MAD1L1: variants seen among roughly 807,000 people sequenced by gnomAD.
MAD1L1 encodes the protein mitotic spindle assembly checkpoint protein MAD1.
Under a neutral mutation model 96.9 loss-of-function variants are expected in MAD1L1, and 95 were observed. That is an observed-to-expected ratio of 0.98 (90% CI 0.83 to 1.16). MAD1L1 has a LOEUF of 1.16. MAD1L1 is among the 50% of genes most tolerant of loss of function. The pLI, the probability that MAD1L1 is intolerant of heterozygous loss-of-function variation, is 0.00. For missense variants in MAD1L1, 1,007 were observed against 954.4 expected, an observed-to-expected ratio of 1.06 and a Z score of -0.73; for synonymous variants, 473 against 396.6, an observed-to-expected ratio of 1.19 and a Z score of -2.29.
intron 15 of MAD1L1, among the ~76,000 whole-genome samples, chr7:1,975,525 T>C (rs1780596506): frequency 6.6e-6 from 1 of 152,182 alleles, no homozygotes; most frequent in East Asian, 1.9e-4. Flanking sequence ...CCCTAGAAGC[T>C]TGGCAGGCAG....
chr7:1,935,969 G>T (rs1183217382), intron 17 of MAD1L1, among the ~76,000 whole-genome samples: 1 of 152,250 alleles, frequency 6.6e-6, no homozygotes, highest in African/African-American at 2.4e-5. Flanking sequence ...AGGAGCGTGG[G>T]GCAGTGCCCA....
intron 12 of MAD1L1, among the ~76,000 whole-genome samples, chr7:2,056,357 G>C (rs531357277): frequency 6.6e-6 from 1 of 152,292 alleles, no homozygotes; most frequent in East Asian, 1.9e-4. Context: ...AAGCAGCATG[G>C]GGCTCGCGCA....
Position 1,848,723 on chromosome 7 carries a change from GAGA to G in MAD1L1, c.1999-32498_1999-32496del, listed in dbSNP as rs539686607. 458 of 154,554 alleles carry G rather than the reference GAGA, an allele frequency of 3.0e-3. 3 individuals carry two copies. Among genetic ancestry groups the G allele is most frequent in the African/African-American group, 0.01 (425 of 41,656 alleles). The allele number at this position is 154,554 out of a possible 1,614,324, so 9.6% of individuals were successfully genotyped here. On this transcript the variant is annotated intron_variant, in intron 18 of 18. Coordinates refer to ENST00000265854, the MANE Select transcript of MAD1L1 (RefSeq NM_001013836.2). ...CCTGCTCTGGAAAACAACTGGTCCAGAGAAGGACGAAGATGTCACTTAATTCTG... is the reference window on the plus strand; with the variant it reads ...CCTGCTCTGGAAAACAACTGGTCCAGAGGACGAAGATGTCACTTAATTCTG...
chr7:1,903,864 G>A (rs1787436370), intron 17 of MAD1L1, among the ~76,000 whole-genome samples: 1 of 140,932 alleles, frequency 7.1e-6, no homozygotes, highest in South Asian at 2.3e-4. Flanking sequence ...CAGGCAGCGA[G>A]GACGCAGTGG....
At chr7:2,130,396 A>C (rs1788456049) in intron 11 of MAD1L1, among the ~76,000 whole-genome samples, 1 of 152,210 alleles carries the variant, frequency 6.6e-6, no homozygotes, top group Non-Finnish European at 1.5e-5. Context: ...GGGGCACACC[A>C]GATGAACAGA....
intron 15 of MAD1L1, among the ~76,000 whole-genome samples, chr7:1,974,199 C>T (rs1780529616): frequency 6.6e-6 from 1 of 152,222 alleles, no homozygotes; most frequent in African/African-American, 2.4e-5. Flanking sequence ...GCCAGAGTCA[C>T]CCAGGCTGGA....
At chr7:2,192,566 T>A (rs1334984590) in intron 10 of MAD1L1, among the ~76,000 whole-genome samples, 1 of 152,148 alleles carries the variant, frequency 6.6e-6, no homozygotes, top group Non-Finnish European at 1.5e-5. Flanking sequence ...CCTAAGCCGG[T>A]AAAGCAGCAA....
intron 12 of MAD1L1, among the ~76,000 whole-genome samples, chr7:2,039,436 G>A (rs1783582987): frequency 6.6e-6 from 1 of 152,160 alleles, no homozygotes; most frequent in Non-Finnish European, 1.5e-5. Flanking sequence ...AGAAACCCTC[G>A]AGCTGGTTCC....
intron 3 of MAD1L1, among the ~76,000 whole-genome samples, chr7:2,226,684 T>C (rs142833745): frequency 3.2e-4 from 49 of 152,310 alleles, no homozygotes; most frequent in African/African-American, 1.0e-3. Context: ...ACCCCAGACC[T>C]ACTCAGTCAG....
intron 12 of MAD1L1, among the ~76,000 whole-genome samples, chr7:2,021,609 AG>A (rs1441273085): frequency 7.1e-6 from 1 of 141,700 alleles, no homozygotes; most frequent in African/African-American, 3.1e-5. Flanking sequence ...TACTGAAAGT[AG>A]AAAAGTTAGC....
chr7:1,872,127 G>A (rs187505198), intron 18 of MAD1L1, among the ~76,000 whole-genome samples: 53 of 152,284 alleles, frequency 3.5e-4, no homozygotes, highest in African/African-American at 1.2e-3. Flanking sequence ...GGCCATCTGC[G>A]CTCCCTCTGT....
intron 11 of MAD1L1, among the ~76,000 whole-genome samples, chr7:2,078,641 C>T (rs561335661): frequency 1.3e-5 from 2 of 152,352 alleles, no homozygotes; most frequent in African/African-American, 2.4e-5. Flanking sequence ...CACTCTCGCC[C>T]GAGCAGCTTT....
chr7:1,822,291 A>G (rs1288953458), intron 18 of MAD1L1, among the ~76,000 whole-genome samples: 2 of 152,134 alleles, frequency 1.3e-5, no homozygotes, highest in Non-Finnish European at 2.9e-5. Context: ...GTTAGGAAAT[A>G]CTGATGAAAG....
chr7:1,920,681 T>C (rs550198828), intron 17 of MAD1L1, among the ~76,000 whole-genome samples: 1 of 152,244 alleles, frequency 6.6e-6, no homozygotes, highest in African/African-American at 2.4e-5. Flanking sequence ...TGCTGTCTAC[T>C]TTAAAACAGT....
At chr7:2,096,053 GA>G (rs1786472780) in intron 11 of MAD1L1, among the ~76,000 whole-genome samples, 1 of 152,260 alleles carries the variant, frequency 6.6e-6, no homozygotes, top group East Asian at 1.9e-4. Flanking sequence ...GTCACGTAAT[GA>G]CAGCTCGCAG....
intron 18 of MAD1L1, among the ~76,000 whole-genome samples, chr7:1,869,687 T>C (rs764039656): frequency 2.0e-5 from 3 of 152,116 alleles, no homozygotes; most frequent in Non-Finnish European, 2.9e-5. Context: ...TGAGCTACGA[T>C]TGTCAATCAG....
chr7:1,941,742 C>T (rs1256253932), intron 16 of MAD1L1, among the ~76,000 whole-genome samples: 2 of 152,256 alleles, frequency 1.3e-5, no homozygotes, highest in African/African-American at 2.4e-5. Flanking sequence ...AGAGCATTCA[C>T]TGGGCACCTG....
chr7:2,018,570 G>A (rs1252354680), intron 12 of MAD1L1, among the ~76,000 whole-genome samples: 1 of 152,222 alleles, frequency 6.6e-6, no homozygotes, highest in Admixed American at 6.5e-5. Context: ...GACACAGAGG[G>A]CTTCCCTCCT....
intron 18 of MAD1L1, among the ~76,000 whole-genome samples, chr7:1,833,777 C>T (rs1782816683): frequency 6.6e-6 from 1 of 152,170 alleles, no homozygotes; most frequent in Admixed American, 6.5e-5. Flanking sequence ...CCCCTCTCTA[C>T]TAAAAATACA....
Sources: allele counts gnomAD v4.1 joint callset (sites outside exome capture counted in the v4.1 genomes callset), GRCh38; gene constraint gnomAD v4.1.1; transcripts MANE v1.5; gene names NCBI Gene and HGNC (gene_info 2026-07-23, HGNC 2026-07-21).